DOCK2: variants seen among roughly 807,000 people sequenced by gnomAD.
DOCK2 encodes the protein dedicator of cytokinesis protein 2.
A neutral mutation model predicts 248.9 loss-of-function variants in DOCK2; 87 were observed. The ratio of observed to expected loss-of-function variants is 0.35; its 90% confidence interval spans 0.29 to 0.42. DOCK2 has a LOEUF of 0.42. DOCK2 is among the 10% of genes least tolerant of loss of function. The probability of loss-of-function intolerance (pLI) is 1.00; values close to 1 mark genes in which losing one functional copy is unlikely to be tolerated. For synonymous variants in DOCK2, 805 were observed against 821.6 expected (o/e 0.98, Z 0.35); for missense variants, 1,747 against 2,300.2 (o/e 0.76, Z 4.92).
intron 1 of DOCK2, among the ~76,000 whole-genome samples, chr5:169,637,816 G>T (rs1191892687): frequency 6.6e-6 from 1 of 152,132 alleles, no homozygotes; most frequent in Non-Finnish European, 1.5e-5. Context: ...TCCCCTGTCT[G>T]TTCCTCCTGG....
intron 27 of DOCK2, among the ~76,000 whole-genome samples, chr5:169,936,578 C>CTTTTTTT (rs4041977): frequency 4.1e-5 from 5 of 122,806 alleles, no homozygotes; most frequent in African/African-American, 1.3e-4. Context: ...TCTCAGACTC[C>CTTTTTTT]TTTTTTTTTT....
chr5:169,902,970 T>C lies in DOCK2; in HGVS notation c.2799+62118T>C, dbSNP rs562731692. Among the ~76,000 whole-genome samples, 80 of 152,096 alleles carry C rather than the reference T, an allele frequency of 5.3e-4. No individual in the cohort carries two copies. The East Asian group carries it at 5.6e-3, about 11-fold the overall frequency. ...AAAATTAGCTGGGTGTGGTGGCACA[T>C]GCCTGTAGTCCCAGCTACTCGGGAG... On this transcript the variant is annotated intron_variant, in intron 27 of 51. Coordinates refer to ENST00000520908, the MANE Select transcript of DOCK2 (RefSeq NM_004946.3).
At chr5:169,808,796 C>T (rs917214666) in intron 26 of DOCK2, among the ~76,000 whole-genome samples, 2 of 152,126 alleles carry the variant, frequency 1.3e-5, no homozygotes, top group African/African-American at 4.8e-5. Flanking sequence ...TCGTTGTTTG[C>T]TACTCTGCTT....
At chr5:169,914,820 T>G (rs1408402903) in intron 27 of DOCK2, among the ~76,000 whole-genome samples, 1 of 152,234 alleles carries the variant, frequency 6.6e-6, no homozygotes, top group Non-Finnish European at 1.5e-5. Context: ...CATGATCTGT[T>G]GACCTCTATA....
intron 22 of DOCK2, among the ~76,000 whole-genome samples, chr5:169,728,223 G>T (rs1467286560): frequency 6.6e-6 from 1 of 152,116 alleles, no homozygotes; most frequent in Non-Finnish European, 1.5e-5. Context: ...TATTGGGTTT[G>T]GGACATAAAA....
chr5:169,939,019 T>C (rs1477039156), intron 27 of DOCK2, among the ~76,000 whole-genome samples: 3 of 151,856 alleles, frequency 2.0e-5, no homozygotes, highest in African/African-American at 4.8e-5. Context: ...TTCTCCTACC[T>C]TAGCCTCGGG....
chr5:170,048,553 A>C lies in DOCK2; in HGVS notation c.4071+939A>C. Among the ~76,000 whole-genome samples, 3 of 152,214 alleles carry C rather than the reference A, an allele frequency of 2.0e-5. 1 individual carries two copies. The highest frequency in any genetic ancestry group is 4.4e-5 in the Non-Finnish European group (3 of 68,034). ...TTTCTGCAAATCTCTTTAATGTCTG[A>C]CTTAAGAGAAGACATCTAGATTCTC... On this transcript the variant is annotated intron_variant, in intron 40 of 51. Coordinates refer to ENST00000520908, the MANE Select transcript of DOCK2 (RefSeq NM_004946.3).
intron 30 of DOCK2, among the ~76,000 whole-genome samples, chr5:170,001,483 T>C (rs1039178070): frequency 1.3e-5 from 2 of 152,180 alleles, no homozygotes; most frequent in Admixed American, 1.3e-4. Context: ...TGGAGTCAGA[T>C]AAACTGGATT....
chr5:169,825,606 A>G (rs1768792200), intron 26 of DOCK2, among the ~76,000 whole-genome samples: 1 of 102,236 alleles, frequency 9.8e-6, no homozygotes, highest in South Asian at 3.9e-4. Flanking sequence ...AACATCACAC[A>G]CTGGGGCCTG....
intron 49 of DOCK2, 23 bp from the exon 50 acceptor site, chr5:170,080,140 G>GTGTT: frequency 6.2e-7 from 1 of 1,613,804 alleles, no homozygotes; most frequent in Non-Finnish European, 8.5e-7. Context: ...GTGTGTGTGT[G>GTGTT]TGTGTCTGGT....
intron 27 of DOCK2, among the ~76,000 whole-genome samples, chr5:169,900,898 C>T (rs1258557112): frequency 1.3e-5 from 2 of 152,088 alleles, no homozygotes; most frequent in Non-Finnish European, 2.9e-5. Flanking sequence ...ATTAGGAGTT[C>T]ACCATATATC....
intron 26 of DOCK2, among the ~76,000 whole-genome samples, chr5:169,806,788 G>A (rs1043724928): frequency 1.3e-5 from 2 of 152,110 alleles, no homozygotes; most frequent in African/African-American, 4.8e-5. Flanking sequence ...GTCACACAAG[G>A]TGTGGGGAGG....
At chr5:170,046,166 C>T (rs1756701599) in intron 39 of DOCK2, among the ~76,000 whole-genome samples, 1 of 152,220 alleles carries the variant, frequency 6.6e-6, no homozygotes, top group Non-Finnish European at 1.5e-5. Context: ...GCTGCAACTG[C>T]CACCGCTGCT....
At chr5:169,676,287 C>CCT (rs1297459585) in intron 6 of DOCK2, among the ~76,000 whole-genome samples, 2 of 152,116 alleles carry the variant, frequency 1.3e-5, no homozygotes, top group African/African-American at 2.4e-5. Flanking sequence ...GTCTAAAGCA[C>CCT]CTCTCTGCCT....
intron 27 of DOCK2, chr5:169,883,457 G>T: frequency 1.3e-6 from 2 of 1,551,646 alleles, no homozygotes; most frequent in African/African-American, 1.4e-5. Flanking sequence ...AAGTAGGCAA[G>T]GTCAGAAGAC....
rs556718421 is a variant in DOCK2, at chr5:169,827,839, T to A, written c.2704-12918T>A. 3.0e-4 allele frequency among the ~76,000 whole-genome samples: 46 copies of A among 151,594 alleles called. No homozygotes were observed. In the South Asian group the frequency reaches 9.3e-3, roughly 31 times the overall value. Reference sequence around the variant, plus strand: ...TGATAGAACTTTAAAAATGTTGAAATCATTGGTGACAATTAGAAAACATTA... The same window carrying A: ...TGATAGAACTTTAAAAATGTTGAAAACATTGGTGACAATTAGAAAACATTA... On this transcript the variant is annotated intron_variant, in intron 26 of 51. Coordinates refer to ENST00000520908, the MANE Select transcript of DOCK2 (RefSeq NM_004946.3).
Position 169,706,875 on chromosome 5 carries a change from C to A in DOCK2, c.1384-1294C>A, listed in dbSNP as rs57163402. On this transcript the variant is annotated intron_variant, in intron 14 of 51. Transcript: ENST00000520908. ...AGTGTGAAGGGCGAGTCTTCCTTTC[C>A]CCAGGTTAGCATGGTTGGCCAGGGC... 9.0e-3 allele frequency among the ~76,000 whole-genome samples: 1,376 copies of A among 152,270 alleles called. 28 individuals are homozygous for A. Among genetic ancestry groups the A allele is most frequent in the African/African-American group, 0.031 (1,294 of 41,534 alleles).
intron 26 of DOCK2, among the ~76,000 whole-genome samples, chr5:169,823,988 G>A (rs560067150): frequency 6.6e-6 from 1 of 152,266 alleles, no homozygotes; most frequent in African/African-American, 2.4e-5. Context: ...CAGACAAACA[G>A]AGAGCCAAAT....
chr5:169,704,850 A>T (rs977003840), intron 14 of DOCK2, among the ~76,000 whole-genome samples: 1 of 152,044 alleles, frequency 6.6e-6, no homozygotes, highest in Non-Finnish European at 1.5e-5. Context: ...TAAAAATTTT[A>T]AAATTAAAAA....
Sources: allele counts gnomAD v4.1 joint callset (sites outside exome capture counted in the v4.1 genomes callset), GRCh38; gene constraint gnomAD v4.1.1; transcripts MANE v1.5; gene names NCBI Gene and HGNC (gene_info 2026-07-23, HGNC 2026-07-21).